SRP54: variants seen among roughly 807,000 people sequenced by gnomAD.
The protein encoded by SRP54 is signal recognition particle subunit SRP54.
Under a neutral mutation model 64.8 loss-of-function variants are expected in SRP54, and 10 were observed. That is an observed-to-expected ratio of 0.15 (90% CI 0.10 to 0.26). SRP54 has a LOEUF of 0.26. Among genes scored for constraint, SRP54 ranks in the 10% least tolerant of loss-of-function variants. The pLI is 1.00. For missense variants in SRP54, 325 were observed against 613.7 expected (o/e 0.53, Z 4.97); for synonymous variants, 193 against 185.6 (o/e 1.04, Z -0.32).
intron 1 of SRP54, among the ~76,000 whole-genome samples, chr14:34,985,836 G>A (rs1428597103): frequency 6.6e-6 from 1 of 152,224 alleles, no homozygotes; most frequent in Admixed American, 6.5e-5. Flanking sequence ...TCTCTGGAGA[G>A]TCTGATTGAG....
intron 14 of SRP54, among the ~76,000 whole-genome samples, chr14:35,025,522 C>A (rs1206605545): frequency 2.0e-5 from 3 of 152,112 alleles, no homozygotes; most frequent in Non-Finnish European, 4.4e-5. Flanking sequence ...CTTGATAGAA[C>A]AGATTCACCA....
chr14:35,012,722 A>G (rs1249914544), intron 8 of SRP54, among the ~76,000 whole-genome samples: 3 of 152,142 alleles, frequency 2.0e-5, no homozygotes, highest in Non-Finnish European at 2.9e-5. Context: ...AATGCCTCCC[A>G]TACTTCAAAA....
intron 1 of SRP54, 52 bp from the exon 2 acceptor site, chr14:34,996,625 A>ACT: frequency 1.1e-6 from 1 of 902,848 alleles, no homozygotes. Flanking sequence ...AGAACTCTTC[A>ACT]GTCATGGGAA....
rs946817099 is a variant in SRP54 at position 34,992,165 on chromosome 14, T to C, written c.-33-4512T>C. Among the ~76,000 whole-genome samples, 18 of 152,336 alleles carry C rather than the reference T, an allele frequency of 1.2e-4. 1 individual carries two copies. Among genetic ancestry groups the C allele is most frequent in the Middle Eastern group, 3.4e-3 (1 of 294 alleles). ...CCAGGCTGGCCTTGAACTCCTGACT[T>C]CAGGTGATCCACCCGCCTTGGCCTC... is the stretch of plus-strand genomic sequence containing the variant. On this transcript the variant is annotated intron_variant, in intron 1 of 15. Coordinates refer to ENST00000216774, the MANE Select transcript of SRP54 (RefSeq NM_003136.4).
intron 11 of SRP54, 189 bp from the exon 12 acceptor site, chr14:35,018,503 T>A (rs2044477993): frequency 1.8e-6 from 1 of 554,060 alleles, no homozygotes; most frequent in Non-Finnish European, 3.2e-6. Context: ...ATAGGACCTG[T>A]CTTTGTCTAT....
intron 15 of SRP54, 49 bp from the exon 16 acceptor site, chr14:35,029,012 T>A: frequency 7.0e-7 from 1 of 1,437,422 alleles, no homozygotes; most frequent in East Asian, 2.3e-5. Context: ...TTTCCAGTTC[T>A]GCTTAATAAT....
rs192854256 is a variant in SRP54, at chr14:34,984,813, C to T, written c.-34+1598C>T. Among the ~76,000 whole-genome samples, 4 of 152,110 alleles carry T rather than the reference C, an allele frequency of 2.6e-5. No homozygotes were observed. The East Asian group carries it at 7.8e-4, about 30-fold the overall frequency. ...CACCATGCCCTGCCTAAACCTTATT[C>T]TTTAGCCTCCATCTCATGAGTTGAT... is the stretch of plus-strand genomic sequence containing the variant. On this transcript the variant is annotated intron_variant, in intron 1 of 15. Coordinates refer to ENST00000216774, the MANE Select transcript of SRP54 (RefSeq NM_003136.4).
At chr14:35,003,371 ACT>A (rs1189144601) in intron 4 of SRP54, among the ~76,000 whole-genome samples, 1 of 130,050 alleles carries the variant, frequency 7.7e-6, no homozygotes, top group Non-Finnish European at 1.7e-5. Flanking sequence ...TAGTTTCTGG[ACT>A]CTCTATTTAT....
chr14:34,999,835 G>A (rs753388838), intron 3 of SRP54, 186 bp downstream of exon 3: 12 of 423,714 alleles, frequency 2.8e-5, no homozygotes, highest in African/African-American at 2.4e-4. Flanking sequence ...ATGGTTCAAA[G>A]AATAAACTAC....
chr14:34,987,332 T>C (rs1001156404), intron 1 of SRP54, among the ~76,000 whole-genome samples: 7 of 148,782 alleles, frequency 4.7e-5, no homozygotes, highest in African/African-American at 1.7e-4. Context: ...AAGTGTACAA[T>C]TGAAAGGATT....
chr14:35,028,002 G>C, intron 14 of SRP54, 86 bp from the exon 15 acceptor site: 1 of 706,586 alleles, frequency 1.4e-6, no homozygotes, highest in Non-Finnish European at 2.3e-6. Flanking sequence ...TATTTTCTCA[G>C]TTCATCAAAC....
At chr14:34,995,720 A>G (rs911127967) in intron 1 of SRP54, among the ~76,000 whole-genome samples, 3 of 152,090 alleles carry the variant, frequency 2.0e-5, no homozygotes, top group Non-Finnish European at 4.4e-5. Context: ...TATTTTTTGG[A>G]AGAACCAGGA....
chr14:35,004,905 T>G (rs1329053383), intron 4 of SRP54, among the ~76,000 whole-genome samples: 1 of 152,238 alleles, frequency 6.6e-6, no homozygotes, highest in Non-Finnish European at 1.5e-5. Flanking sequence ...CCTCATGGCT[T>G]TCCTTGAAAT....
At chr14:34,989,228 G>A (rs539803615) in intron 1 of SRP54, among the ~76,000 whole-genome samples, 10 of 152,256 alleles carry the variant, frequency 6.6e-5, no homozygotes, top group Admixed American at 2.6e-4. Flanking sequence ...TTGGCCAGGT[G>A]CAGTGGCTCA....
chr14:35,007,238 T>C, intron 4 of SRP54, 45 bp from the exon 5 acceptor site: 2 of 1,348,572 alleles, frequency 1.5e-6, no homozygotes, highest in Non-Finnish European at 2.1e-6. Context: ...TGAATTTATA[T>C]GTATGTTAAC....
chr14:34,984,069 G>A (rs2043853991), intron 1 of SRP54, among the ~76,000 whole-genome samples: 1 of 152,162 alleles, frequency 6.6e-6, no homozygotes, highest in Non-Finnish European at 1.5e-5. Context: ...TACAGCAATC[G>A]TGGTGCCAAA....
intron 13 of SRP54, among the ~76,000 whole-genome samples, chr14:35,020,056 A>G (rs35523754): frequency 0.35 from 52,383 of 151,752 alleles, 9,625 homozygotes; most frequent in East Asian, 0.69. Context: ...GTGGTGGCAC[A>G]CACCTGTAAT....
chr14:35,012,971 T>C (rs1386542212), intron 8 of SRP54, among the ~76,000 whole-genome samples: 2 of 143,642 alleles, frequency 1.4e-5, no homozygotes, highest in Non-Finnish European at 3.0e-5. Flanking sequence ...GAGATGGAGT[T>C]TCACTCTTGT....
chr14:34,984,794 G>T (rs985138957), intron 1 of SRP54, among the ~76,000 whole-genome samples: 1 of 152,084 alleles, frequency 6.6e-6, no homozygotes, highest in African/African-American at 2.4e-5. Flanking sequence ...GAGCCACCAT[G>T]CCCTGCCTAA....
Sources: allele counts gnomAD v4.1 joint callset (sites outside exome capture counted in the v4.1 genomes callset), GRCh38; gene constraint gnomAD v4.1.1; transcripts MANE v1.5; gene names NCBI Gene and HGNC (gene_info 2026-07-23, HGNC 2026-07-21).